The following CPLANE1 variants were observed in gnomAD, a reference collection of about 807,000 sequenced individuals.
CPLANE1 encodes ciliogenesis and planar polarity effector complex subunit 1, also known as ciliogenesis and planar polarity effector 1.
Under a neutral mutation model 362.5 loss-of-function variants are expected in CPLANE1, and 263 were observed. The observed-to-expected ratio is 0.73, with a 90% CI of 0.66 to 0.80. The LOEUF is 0.80. Ranked by LOEUF, CPLANE1 falls within the 30% of genes least tolerant of loss-of-function variation. The probability of loss-of-function intolerance (pLI) is 0.00; values close to 1 mark genes in which losing one functional copy is unlikely to be tolerated. For synonymous variants in CPLANE1, 1,212 were observed against 1,302.6 expected (o/e 0.93, Z 1.50); for missense variants, 3,461 against 3,793.4 (o/e 0.91, Z 2.30).
intron 46 of CPLANE1, among the ~76,000 whole-genome samples, chr5:37,132,861 A>C (rs1766381828): frequency 6.6e-6 from 1 of 152,216 alleles, no homozygotes; most frequent in Admixed American, 6.5e-5. Context: ...GCCAGTGTCC[A>C]GAATGGTATT....
chr5:37,210,873 A>C lies in CPLANE1; in HGVS notation c.2920+2686T>G. The C allele has an allele frequency of 7.5e-6, 6 of 798,806 alleles. No homozygotes were observed. The South Asian group carries it at 8.0e-5, about 11-fold the overall frequency. 49.5% of individuals were successfully genotyped at this position (798,806 alleles called of 1,614,324 possible). A position where few individuals can be genotyped will look rare whatever the true frequency, so the allele number is the denominator to read the frequency against. ...TGAGCATGAGGAGTTCGAAAGCCGC[A>C]AACAAGCTCTGCACAAACAACTGCA... On this transcript the variant is annotated intron_variant, in intron 16 of 52. Transcript: ENST00000651892.
the CPLANE1 span, among the ~76,000 whole-genome samples, chr5:37,078,343 A>G: frequency 6.6e-6 from 1 of 152,194 alleles, no homozygotes; most frequent in African/African-American, 2.4e-5. Context: ...AACGGCCTCC[A>G]GCTCCATGCA....
At position 37,148,215 on chromosome 5, in the gene CPLANE1, T is replaced by C. The variant is rs2150522060; in HGVS notation, c.8427A>G (p.Thr2809=). The C allele has an allele frequency of 1.2e-6, 2 of 1,613,186 alleles. No individual in the cohort carries two copies. The highest frequency in any genetic ancestry group is 1.6e-4 in the Middle Eastern group (1 of 6,062). The change falls in exon 43 of 53, where the codon ACA becomes ACG. Residue 2809 remains threonine, a synonymous_variant. Coordinates refer to ENST00000651892, the MANE Select transcript of CPLANE1 (RefSeq NM_001384732.1). ...AAATGCTAATGGTTTTTGAAGCTAATGTTTTTTTGAATTCAGGGCCAGAAG... is the reference window on the plus strand; with the variant it reads ...AAATGCTAATGGTTTTTGAAGCTAACGTTTTTTTGAATTCAGGGCCAGAAG... ...EFSSGPEFKK[T]LASKTISISE...
In CPLANE1 at chr5:37,238,907, G is replaced by C. The variant is rs1440857530; in HGVS notation, c.888C>G (p.Ser296Arg). 6.5e-7 allele frequency: 1 copy of C among 1,534,242 alleles called. No individual in the cohort carries two copies. Among genetic ancestry groups the C allele is most frequent in the Non-Finnish European group, 8.8e-7 (1 of 1,139,694 alleles). ...GACTCTTGTTACTACATCCTTTAAG[G>C]CTACCACAGAGAGTAACAAAATTCA... ...NTLNFVTLCG[S>R]LKGCSNKSPV... Residue 296 changes from serine (S) to arginine (R), a missense_variant, in exon 8 of 53, where the codon AGC (serine) becomes AGG (arginine). By Grantham distance (110) the Ser-to-Arg change is moderately radical. Coordinates refer to ENST00000651892, the MANE Select transcript of CPLANE1 (RefSeq NM_001384732.1).
intron 42 of CPLANE1, among the ~76,000 whole-genome samples, chr5:37,152,986 T>A (rs527457137): frequency 6.6e-6 from 1 of 152,252 alleles, no homozygotes; most frequent in African/African-American, 2.4e-5. Context: ...AAACTCCAAA[T>A]AGAAGGACAA....
At chr5:37,205,035 T>C (rs944257223) in intron 18 of CPLANE1, among the ~76,000 whole-genome samples, 2 of 152,186 alleles carry the variant, frequency 1.3e-5, no homozygotes, top group Non-Finnish European at 2.9e-5. Context: ...CCCACGCCTG[T>C]AATCCCAGCT....
chr5:37,142,071 T>C (rs1439755819), intron 44 of CPLANE1: 4 of 938,798 alleles, frequency 4.3e-6, no homozygotes, highest in Admixed American at 5.0e-5. Flanking sequence ...AGTTGCTATA[T>C]ATTTCATATT....
intron 32 of CPLANE1, among the ~76,000 whole-genome samples, chr5:37,171,745 ACTCTCTCTCTCTCTCT>A (rs56407367): frequency 1.5e-4 from 19 of 128,430 alleles, no homozygotes; most frequent in African/African-American, 4.2e-4. Flanking sequence ...TCTCTAGCTT[ACTCTCTCTCTCTCTCT>A]CTCTCTCTCT....
Position 37,183,012 on chromosome 5 carries a change from C to T in CPLANE1, c.5169G>A (p.Gln1723=). 6.2e-7 allele frequency: 1 copy of T among 1,613,166 alleles called. No individual in the cohort carries two copies. Among genetic ancestry groups the T allele is most frequent in the South Asian group, 1.1e-5 (1 of 90,956 alleles). Reference sequence around the variant, plus strand: ...CTTCTTGAGGGTTAATATCATTGCACTGAATAGCTTTGAAAATACATCTTC... The same window carrying T: ...CTTCTTGAGGGTTAATATCATTGCATTGAATAGCTTTGAAAATACATCTTC... ...KTRRCIFKAI[Q]CNDINPQEDL... Residue 1723 remains glutamine (Q), a synonymous_variant, in exon 26 of 53, where the codon CAG becomes CAA. Coordinates refer to ENST00000651892, the MANE Select transcript of CPLANE1 (RefSeq NM_001384732.1).
Position 37,125,053 on chromosome 5 carries a change from T to C in CPLANE1, c.8958+191A>G, listed in dbSNP as rs986332757. The C allele has an allele frequency of 5.9e-6, 8 of 1,356,666 alleles. No homozygotes were observed. The African/African-American group carries it at 9.0e-5, about 15-fold the overall frequency. 84.0% of individuals were successfully genotyped at this position (1,356,666 alleles called of 1,614,324 possible). A position where few individuals can be genotyped will look rare whatever the true frequency, so the allele number is the denominator to read the frequency against. ...AATATTTAAGATAATTCAGTATAAC[T>C]TGGTTAGCACAATATGCTGCAACAT... On this transcript the variant is annotated intron_variant, in intron 47 of 52. Transcript: ENST00000651892.
rs114106838 is a variant in CPLANE1, at chr5:37,138,684, T to C, written c.8792+36A>G. 749 of 1,585,654 alleles carry C rather than the reference T, an allele frequency of 4.7e-4. No individual in the cohort carries two copies. The African/African-American group carries it at 9.3e-3, about 20-fold the overall frequency. On this transcript the variant is annotated intron_variant, in intron 46 of 52. Coordinates refer to ENST00000651892, the MANE Select transcript of CPLANE1 (RefSeq NM_001384732.1). ...TTGAACATTCTTGAATGAGAAGCAT[T>C]TTAAACAGGTTAAAAATGAATTATT... is the stretch of plus-strand genomic sequence containing the variant.
intron 25 of CPLANE1, 72 bp downstream of exon 25, chr5:37,184,716 C>T: frequency 7.5e-7 from 1 of 1,341,898 alleles, no homozygotes; most frequent in Non-Finnish European, 1.0e-6. Flanking sequence ...GACCAGAAAT[C>T]AGCTCATCAG....
chr5:37,089,197 A>T, the CPLANE1 span, among the ~76,000 whole-genome samples: 1 of 152,222 alleles, frequency 6.6e-6, no homozygotes, highest in South Asian at 2.1e-4. Context: ...GCTTTGGGTC[A>T]GTCAGAAACA....
chr5:37,198,602 G>T, intron 20 of CPLANE1, 100 bp downstream of exon 20: 3 of 1,155,128 alleles, frequency 2.6e-6, no homozygotes, highest in Non-Finnish European at 3.6e-6. Context: ...GATTTATAGG[G>T]CAGGACTCCT....
chr5:37,157,832 C>T lies in CPLANE1; in HGVS notation c.7849G>A (p.Ala2617Thr). 1 of 1,563,110 alleles carries T rather than the reference C, an allele frequency of 6.4e-7. No homozygotes were observed. The highest frequency in any genetic ancestry group is 1.1e-5 in the South Asian group (1 of 90,164). Reference protein sequence around the residue: ...HTYINVIDIEANDLLQELPVR... With the variant: ...HTYINVIDIETNDLLQELPVR... ...GGTAATTCCTGTAGAAGATCATTAGCTTCAATGTCAATCACATTTATATAA... is the reference window on the plus strand; with the variant it reads ...GGTAATTCCTGTAGAAGATCATTAGTTTCAATGTCAATCACATTTATATAA... The change falls in exon 40 of 53, where the codon GCT becomes ACT. Residue 2617 changes from alanine (A) to threonine (T), a missense_variant. Ala to Thr is a moderately conservative substitution (Grantham distance 58). This residue lies in a region of CPLANE1 where 3,380 missense variants were observed against 3,666.1 expected (regional missense o/e 0.92). Transcript: ENST00000651892.
Position 37,196,857 on chromosome 5 carries a change from G to A in CPLANE1, c.3673-861C>T, listed in dbSNP as rs535224983. ...GGAGAATCACTTAAACCCGGGAGCCGGAGGTTGCGGTGAGCCGAGACCATG... is the reference window on the plus strand; with the variant it reads ...GGAGAATCACTTAAACCCGGGAGCCAGAGGTTGCGGTGAGCCGAGACCATG... On this transcript the variant is annotated intron_variant, in intron 20 of 52. Coordinates refer to ENST00000651892, the MANE Select transcript of CPLANE1 (RefSeq NM_001384732.1). 1.2e-4 allele frequency among the ~76,000 whole-genome samples: 19 copies of A among 152,080 alleles called. No individual in the cohort carries two copies. In the East Asian group the frequency reaches 2.7e-3, roughly 22 times the overall value.
chr5:37,218,471 T>C (rs572249325), intron 15 of CPLANE1, among the ~76,000 whole-genome samples: 5 of 152,174 alleles, frequency 3.3e-5, no homozygotes, highest in Non-Finnish European at 5.9e-5. Flanking sequence ...CTTCATACCA[T>C]GCACCTTTTC....
chr5:37,092,484 C>G, the CPLANE1 span, among the ~76,000 whole-genome samples: 1 of 152,238 alleles, frequency 6.6e-6, no homozygotes, highest in Admixed American at 6.5e-5. Flanking sequence ...TTTACTTTAG[C>G]TGGGAGGTCT....
the CPLANE1 span, among the ~76,000 whole-genome samples, chr5:37,084,049 A>G: frequency 6.6e-6 from 1 of 152,230 alleles, no homozygotes; most frequent in East Asian, 1.9e-4. Context: ...GGTAACCTAT[A>G]AAGGAAAACC....
Sources: allele counts gnomAD v4.1 joint callset (sites outside exome capture counted in the v4.1 genomes callset), GRCh38; gene constraint gnomAD v4.1.1; regional missense constraint gnomAD v4.1.1; transcripts MANE v1.5; gene names NCBI Gene and HGNC (gene_info 2026-07-23, HGNC 2026-07-21).